NUGGC: variants seen among roughly 807,000 people sequenced by gnomAD.
The protein encoded by NUGGC is nuclear GTPase SLIP-GC.
A neutral mutation model predicts 92.6 loss-of-function variants in NUGGC; 58 were observed. The ratio of observed to expected loss-of-function variants is 0.63; its 90% CI spans 0.51 to 0.78. The LOEUF (loss-of-function observed/expected upper bound fraction) is 0.78. Among genes scored for constraint, NUGGC ranks in the 30% least tolerant of loss-of-function variants. The pLI, the probability that NUGGC is intolerant of heterozygous loss-of-function variation, is 0.00. For missense variants in NUGGC, 925 were observed against 964.6 expected (o/e 0.96, Z 0.54); for synonymous variants, 376 against 366.4 (o/e 1.03, Z -0.30).
chr8:28,031,208 A>T (rs1451218071), intron 15 of NUGGC, 35 bp downstream of exon 15: 15 of 1,612,934 alleles, frequency 9.3e-6, no homozygotes, highest in Non-Finnish European at 1.3e-5. Context: ...GCCATGCCCA[A>T]CCTCACTGCT....
chr8:28,070,245 C>T lies in NUGGC; in HGVS notation c.148+7G>A. 2 of 1,538,226 alleles carry T rather than the reference C, an allele frequency of 1.3e-6. No homozygotes were observed. The highest frequency in any genetic ancestry group is 1.8e-6 in the Non-Finnish European group (2 of 1,134,344). Reference sequence around the variant, plus strand: ...CCATGTTAAAACAACAGTTCCAAGACACTCACATTCCTTAAGAGCACTCTG... The same window carrying T: ...CCATGTTAAAACAACAGTTCCAAGATACTCACATTCCTTAAGAGCACTCTG... On this transcript the variant is annotated splice_region_variant and intron_variant, in intron 3 of 18. Coordinates refer to ENST00000413272, the MANE Select transcript of NUGGC (RefSeq NM_001010906.2).
chr8:28,052,653 C>T (rs1810035912), intron 10 of NUGGC, among the ~76,000 whole-genome samples: 1 of 152,184 alleles, frequency 6.6e-6, no homozygotes, highest in Admixed American at 6.5e-5. Flanking sequence ...TGATTTTGGA[C>T]TTCCAGCCTC....
intron 17 of NUGGC, among the ~76,000 whole-genome samples, chr8:28,028,503 C>T (rs1276855542): frequency 6.6e-6 from 1 of 152,138 alleles, no homozygotes; most frequent in East Asian, 1.9e-4. Context: ...GGCCAGCTTC[C>T]CTGAGGGCTT....
intron 1 of NUGGC, among the ~76,000 whole-genome samples, chr8:28,078,018 C>T (rs13251987): frequency 0.26 from 38,868 of 152,132 alleles, 5,411 homozygotes; most frequent in South Asian, 0.34. Flanking sequence ...CATTTGACTT[C>T]ATTTACTAAA....
chr8:28,042,839 G>A (rs372101145), intron 12 of NUGGC, among the ~76,000 whole-genome samples: 4 of 152,176 alleles, frequency 2.6e-5, no homozygotes, highest in African/African-American at 7.2e-5. Context: ...AATAGCTCTC[G>A]AATCGATGTG....
At chr8:28,049,517 T>C (rs1809934069) in intron 10 of NUGGC, among the ~76,000 whole-genome samples, 1 of 152,236 alleles carries the variant, frequency 6.6e-6, no homozygotes, top group Non-Finnish European at 1.5e-5. Flanking sequence ...TTAGTTAACA[T>C]TTATGCTTTT....
At chr8:28,078,280 T>C (rs574655064) in intron 1 of NUGGC, among the ~76,000 whole-genome samples, 1 of 152,310 alleles carries the variant, frequency 6.6e-6, no homozygotes, top group African/African-American at 2.4e-5. Flanking sequence ...AAGGGATCAT[T>C]TGATGACCAA....
intron 10 of NUGGC, among the ~76,000 whole-genome samples, chr8:28,050,866 A>G (rs1325002526): frequency 6.6e-6 from 1 of 152,172 alleles, no homozygotes; most frequent in Admixed American, 6.5e-5. Flanking sequence ...AATCAGTGAC[A>G]TAAATCATGA....
chr8:28,079,762 T>G (rs1810804366), intron 1 of NUGGC, among the ~76,000 whole-genome samples: 2 of 152,164 alleles, frequency 1.3e-5, no homozygotes, highest in Non-Finnish European at 1.5e-5. Context: ...GAAGGAGTAG[T>G]GCCCGCAAAG....
Position 28,029,349 on chromosome 8 carries a change from T to G in NUGGC, c.2071A>C (p.Arg691=). The change falls in exon 17 of 19, where the codon AGA becomes CGA. Residue 691 remains arginine, a synonymous_variant. Coordinates refer to ENST00000413272, the MANE Select transcript of NUGGC (RefSeq NM_001010906.2). ...GCCACCTGCCGGTCCACTCCTCTTCTGATGGCATCTTTCATCCGCTCACAC... is the reference window on the plus strand; with the variant it reads ...GCCACCTGCCGGTCCACTCCTCTTCGGATGGCATCTTTCATCCGCTCACAC... ...KACERMKDAI[R]RGVDRQVAEG... is the part of the protein sequence containing the mutation. The G allele has an allele frequency of 6.2e-7, 1 of 1,612,460 alleles. No individual in the cohort carries two copies. Among genetic ancestry groups the G allele is most frequent in the Admixed American group, 1.7e-5 (1 of 59,874 alleles).
chr8:28,064,540 C>A lies in NUGGC; in HGVS notation c.903G>T (p.Arg301Ser). The A allele has an allele frequency of 6.2e-7, 1 of 1,613,986 alleles. No homozygotes were observed. The highest frequency in any genetic ancestry group is 8.5e-7 in the Non-Finnish European group (1 of 1,179,854). Residue 301 changes from arginine to serine, a missense_variant, in exon 7 of 19, where the codon AGG becomes AGT. By Grantham distance (110) the Arg-to-Ser change is moderately radical. Coordinates refer to ENST00000413272, the MANE Select transcript of NUGGC (RefSeq NM_001010906.2). ...CAGTCACCTTTTTCCACATCTCGTC[C>A]CTCTTGCTGTTGAAGTCGCCTGTGC... ...IPGTGDFNSKRDEMWKKTIDK... is the reference protein window; with the variant it reads ...IPGTGDFNSKSDEMWKKTIDK...
chr8:28,025,634 A>C (rs1809239569), intron 18 of NUGGC, among the ~76,000 whole-genome samples: 1 of 47,256 alleles, frequency 2.1e-5, no homozygotes, highest in Admixed American at 2.0e-4. Flanking sequence ...CCTTCCCTGG[A>C]GTCCGTTAGA....
chr8:28,035,515 C>T (rs1234113001), intron 13 of NUGGC, among the ~76,000 whole-genome samples: 1 of 152,030 alleles, frequency 6.6e-6, no homozygotes, highest in Non-Finnish European at 1.5e-5. Context: ...CAGGCGGGGG[C>T]CTTAGCTGCT....
At chr8:28,030,875 C>A (rs560985126) in intron 15 of NUGGC, among the ~76,000 whole-genome samples, 1 of 152,172 alleles carries the variant, frequency 6.6e-6, no homozygotes, top group Non-Finnish European at 1.5e-5. Context: ...TTCACTGCAT[C>A]GGATGCTACT....
intron 1 of NUGGC, among the ~76,000 whole-genome samples, chr8:28,081,885 A>G (rs551049509): frequency 2.6e-5 from 4 of 152,194 alleles, no homozygotes; most frequent in African/African-American, 9.6e-5. Context: ...CTCAAAAAAA[A>G]AAAAAACAAT....
chr8:28,050,491 T>C (rs1038683154), intron 10 of NUGGC, among the ~76,000 whole-genome samples: 1 of 151,756 alleles, frequency 6.6e-6, no homozygotes, highest in African/African-American at 2.4e-5. Flanking sequence ...ATAGTAAAGT[T>C]GGAGTTACAC....
At chr8:28,050,228 A>C (rs1027816722) in intron 10 of NUGGC, among the ~76,000 whole-genome samples, 1 of 151,796 alleles carries the variant, frequency 6.6e-6, no homozygotes, top group South Asian at 2.1e-4. Flanking sequence ...TCTACTAAAA[A>C]TACAAAATTA....
intron 10 of NUGGC, among the ~76,000 whole-genome samples, chr8:28,050,565 C>T (rs2130164463): frequency 6.6e-6 from 1 of 152,164 alleles, no homozygotes; most frequent in South Asian, 2.1e-4. Flanking sequence ...AATCCTAGTA[C>T]TTTGGGAGGC....
chr8:28,058,831 T>C (rs547966110), intron 8 of NUGGC, among the ~76,000 whole-genome samples: 2 of 151,930 alleles, frequency 1.3e-5, no homozygotes, highest in African/African-American at 2.4e-5. Flanking sequence ...GCCTCCTGAG[T>C]AGCTGGGACT....
Sources: allele counts gnomAD v4.1 joint callset (sites outside exome capture counted in the v4.1 genomes callset), GRCh38; gene constraint gnomAD v4.1.1; transcripts MANE v1.5; gene names NCBI Gene and HGNC (gene_info 2026-07-23, HGNC 2026-07-21).